The following GPC5 variants were observed in gnomAD, a reference collection of about 807,000 sequenced individuals.
GPC5 encodes the protein glypican 5.
In GPC5, 47 loss-of-function variants were observed where a neutral mutation model predicts 53.9. The ratio of observed to expected loss-of-function variants is 0.87; its 90% CI spans 0.69 to 1.11. GPC5 has a LOEUF of 1.11. Among genes scored for constraint, GPC5 ranks in the 50% most tolerant of loss-of-function variants. The probability of loss-of-function intolerance (pLI) is 0.00; values close to 1 mark genes in which losing one functional copy is unlikely to be tolerated. For missense variants in GPC5, 748 were observed against 713.1 expected (o/e 1.05, Z -0.56); for synonymous variants, 286 against 263.3 (o/e 1.09, Z -0.84).
intron 5 of GPC5, among the ~76,000 whole-genome samples, chr13:91,787,749 T>G (rs2037901424): frequency 6.6e-6 from 1 of 152,170 alleles, no homozygotes; most frequent in Non-Finnish European, 1.5e-5. Flanking sequence ...ACATGTATAT[T>G]TATGTAAAAT....
At chr13:91,792,226 G>C (rs182601671) in intron 5 of GPC5, among the ~76,000 whole-genome samples, 1 of 152,124 alleles carries the variant, frequency 6.6e-6, no homozygotes, top group African/African-American at 2.4e-5. Flanking sequence ...ACTTCACTGC[G>C]TAGCAGCAAC....
At chr13:91,685,155 A>G (rs1161454680) in intron 2 of GPC5, among the ~76,000 whole-genome samples, 3 of 152,076 alleles carry the variant, frequency 2.0e-5, no homozygotes, top group African/African-American at 7.2e-5. Context: ...AACAAAAATT[A>G]GCTGGGCATG....
chr13:91,473,074 C>T (rs987888942), intron 2 of GPC5, among the ~76,000 whole-genome samples: 1 of 152,110 alleles, frequency 6.6e-6, no homozygotes, highest in African/African-American at 2.4e-5. Context: ...GCAGGCATGT[C>T]TTGCATGGTG....
intron 7 of GPC5, chr13:92,446,700 C>G (rs939283080): frequency 1.3e-5 from 2 of 152,122 alleles, no homozygotes; most frequent in African/African-American, 4.8e-5. Context: ...TTGTGAGGAA[C>G]ACCCAAGCTG....
rs1488539278 is a variant in GPC5 at position 92,823,544 on chromosome 13, A to T, written c.1562-42738A>T. Among the ~76,000 whole-genome samples the T allele has an allele frequency of 2.0e-5, 3 of 152,138 alleles. No individual in the cohort carries two copies. The East Asian group carries it at 5.8e-4, about 29-fold the overall frequency. ...ACCATGTTCATTATATCTGTTTAGT[A>T]TTAATGACCGATTAACAATGAGAAA... On this transcript the variant is annotated intron_variant, in intron 7 of 7. Transcript: ENST00000377067.
chr13:91,478,011 C>T (rs1194427364), intron 2 of GPC5, among the ~76,000 whole-genome samples: 1 of 151,430 alleles, frequency 6.6e-6, no homozygotes, highest in Non-Finnish European at 1.5e-5. Flanking sequence ...GAACATTTTT[C>T]CTGAGAAACT....
intron 7 of GPC5, among the ~76,000 whole-genome samples, chr13:92,323,912 AT>A (rs942050982): frequency 1.3e-4 from 20 of 152,062 alleles, no homozygotes; most frequent in African/African-American, 4.6e-4. Context: ...TATCAAAAAA[AT>A]AATACTTTAC....
At chr13:91,428,756 G>C (rs961854051) in intron 1 of GPC5, among the ~76,000 whole-genome samples, 1 of 151,824 alleles carries the variant, frequency 6.6e-6, no homozygotes, top group African/African-American at 2.4e-5. Flanking sequence ...TTAATGTGAA[G>C]TTTTAAGTGA....
chr13:92,243,551 G>C (rs1349581530), intron 7 of GPC5, among the ~76,000 whole-genome samples: 1 of 152,026 alleles, frequency 6.6e-6, no homozygotes, highest in Non-Finnish European at 1.5e-5. Flanking sequence ...TAGGATTGAT[G>C]GAATGGTGAA....
At position 91,673,220 on chromosome 13, in the gene GPC5, G is replaced by A. The variant is rs148958260; in HGVS notation, c.326-19967G>A. ...GTTTTATTTTTTTTAGAAGAAATGAGGGAAAAAAAGAAACAACAACAACAA... is the reference window on the plus strand; with the variant it reads ...GTTTTATTTTTTTTAGAAGAAATGAAGGAAAAAAAGAAACAACAACAACAA... On this transcript the variant is annotated intron_variant, in intron 2 of 7. Coordinates refer to ENST00000377067, the MANE Select transcript of GPC5 (RefSeq NM_004466.6). 6.6e-3 allele frequency among the ~76,000 whole-genome samples: 992 copies of A among 150,946 alleles called. 15 individuals carry two copies. Among genetic ancestry groups the A allele is most frequent in the African/African-American group, 0.022 (905 of 41,236 alleles).
intron 2 of GPC5, among the ~76,000 whole-genome samples, chr13:91,545,410 G>C (rs2030223852): frequency 6.6e-6 from 1 of 151,684 alleles, no homozygotes; most frequent in African/African-American, 2.4e-5. Context: ...CCATCTTTTG[G>C]TTTTAAGTTC....
chr13:92,743,063 A>G (rs969653160), intron 7 of GPC5, among the ~76,000 whole-genome samples: 9 of 151,090 alleles, frequency 6.0e-5, no homozygotes, highest in Non-Finnish European at 1.3e-4. Flanking sequence ...TTGGCGATGC[A>G]GGCTCTTTTT....
chr13:91,902,073 C>T (rs971716906), intron 5 of GPC5, among the ~76,000 whole-genome samples: 4 of 151,966 alleles, frequency 2.6e-5, no homozygotes, highest in Non-Finnish European at 4.4e-5. Flanking sequence ...AAGACAGACC[C>T]CTGTAACTGA....
intron 6 of GPC5, among the ~76,000 whole-genome samples, chr13:92,010,002 T>A (rs753817864): frequency 3.3e-5 from 5 of 152,174 alleles, no homozygotes; most frequent in Non-Finnish European, 7.4e-5. Context: ...GTACTTTGTA[T>A]AGATATAAAC....
rs950155257 is a variant in GPC5 at position 92,243,838 on chromosome 13, G to A, written c.1561+98849G>A. ...TCTGTGCATGTAAGGAAAGAGTACA[G>A]CTAAAGAAGAGATGGCAGCCAGAAC... is the stretch of plus-strand genomic sequence containing the variant. On this transcript the variant is annotated intron_variant, in intron 7 of 7. Transcript: ENST00000377067. 2.6e-5 allele frequency among the ~76,000 whole-genome samples: 4 copies of A among 151,996 alleles called. No homozygotes were observed. The East Asian group carries it at 7.7e-4, about 29-fold the overall frequency.
chr13:92,116,340 A>G (rs937336136), intron 6 of GPC5, among the ~76,000 whole-genome samples: 2 of 152,194 alleles, frequency 1.3e-5, no homozygotes, highest in African/African-American at 4.8e-5. Context: ...AGAAGAGGCC[A>G]TCTATAAGTC....
chr13:92,010,582 G>T (rs1028929500), intron 6 of GPC5, among the ~76,000 whole-genome samples: 1 of 152,094 alleles, frequency 6.6e-6, no homozygotes, highest in African/African-American at 2.4e-5. Flanking sequence ...AATAATTAAG[G>T]TTAAATGAGT....
intron 5 of GPC5, among the ~76,000 whole-genome samples, chr13:91,768,713 T>G (rs2037568745): frequency 6.6e-6 from 1 of 152,198 alleles, no homozygotes; most frequent in Non-Finnish European, 1.5e-5. Flanking sequence ...ACGGTTAAAT[T>G]ATTTGGTACC....
At chr13:92,646,911 T>C (rs1885789115) in intron 7 of GPC5, among the ~76,000 whole-genome samples, 1 of 147,974 alleles carries the variant, frequency 6.8e-6, no homozygotes, top group Non-Finnish European at 1.5e-5. Context: ...TAAACATATA[T>C]ATGTAAATAT....
Sources: gnomAD v4.1 joint callset for allele counts (sites outside exome capture counted in the v4.1 genomes callset) on GRCh38, gnomAD v4.1.1 for gene constraint, MANE v1.5 for transcripts, NCBI Gene and HGNC (gene_info 2026-07-23, HGNC 2026-07-21) for gene names.